Variants in MIPEP observed in about 807,000 individuals in gnomAD.
The protein encoded by MIPEP is mitochondrial intermediate peptidase.
A neutral mutation model predicts 90.3 loss-of-function variants in MIPEP; 79 were observed. The ratio of observed to expected loss-of-function variants is 0.87; its 90% CI spans 0.73 to 1.05. The LOEUF (loss-of-function observed/expected upper bound fraction) is 1.05, where lower values mean the gene tolerates loss of function less well. Ranked by LOEUF, MIPEP falls within the 50% of genes least tolerant of loss-of-function variation. The pLI, the probability that MIPEP is intolerant of heterozygous loss-of-function variation, is 0.00. For missense variants in MIPEP, 940 were observed against 905.6 expected (o/e 1.04, Z -0.49); for synonymous variants, 334 against 315.8 (o/e 1.06, Z -0.61).
intron 18 of MIPEP, among the ~76,000 whole-genome samples, chr13:23,753,008 A>G (rs1436415700): frequency 6.6e-6 from 1 of 152,110 alleles, no homozygotes; most frequent in Non-Finnish European, 1.5e-5. Context: ...AGGGTGGATC[A>G]CCTGAGGTCA....
At chr13:23,771,999 T>C (rs890169906) in intron 16 of MIPEP, among the ~76,000 whole-genome samples, 5 of 152,056 alleles carry the variant, frequency 3.3e-5, no homozygotes, top group Non-Finnish European at 7.4e-5. Flanking sequence ...TGAAACTAAA[T>C]TAATAAAGAC....
chr13:23,791,907 C>A (rs142820580), intron 16 of MIPEP, among the ~76,000 whole-genome samples: 1 of 152,198 alleles, frequency 6.6e-6, no homozygotes, highest in African/African-American at 2.4e-5. Context: ...AAGTCAATAA[C>A]GACCTTCACC....
intron 18 of MIPEP, among the ~76,000 whole-genome samples, chr13:23,749,014 C>A (rs1469471785): frequency 6.6e-6 from 1 of 152,190 alleles, no homozygotes; most frequent in Non-Finnish European, 1.5e-5. Context: ...CCAGCCTTGC[C>A]ACACAATGCC....
At chr13:23,766,337 T>C (rs746736609) in intron 16 of MIPEP, among the ~76,000 whole-genome samples, 1 of 152,218 alleles carries the variant, frequency 6.6e-6, no homozygotes, top group Admixed American at 6.5e-5. Context: ...CTAGTAATAC[T>C]GTATGAGCTC....
At chr13:23,856,402 G>A (rs953816460) in intron 10 of MIPEP, among the ~76,000 whole-genome samples, 2 of 152,194 alleles carry the variant, frequency 1.3e-5, no homozygotes, top group South Asian at 2.1e-4. Flanking sequence ...GTTTCTTTCT[G>A]TAAAACAAAA....
rs1351504427 is a variant in MIPEP, at chr13:23,841,502, G to C, written c.1107-14C>G. ...TCAATATTATACCTAAGAGAAGGAA[G>C]AGAGGTTCAACAGCATCTTTGTTTA... On this transcript the variant is annotated splice_polypyrimidine_tract_variant and intron_variant, in intron 10 of 18. Transcript: ENST00000382172. 4 of 1,587,798 alleles carry C rather than the reference G, an allele frequency of 2.5e-6. No homozygotes were observed. Among genetic ancestry groups the C allele is most frequent in the Non-Finnish European group, 2.6e-6 (3 of 1,171,430 alleles).
Position 23,889,333 on chromosome 13 carries a change from G to C in MIPEP, c.-13C>G. On this transcript the variant is annotated 5_prime_UTR_variant, in exon 1 of 19. Transcript: ENST00000382172. ...CGACGCACAGCATTCTAGCACCAGAGCAGTCCCTTCCTCCAACGCAGATCC... is the reference window on the plus strand; with the variant it reads ...CGACGCACAGCATTCTAGCACCAGACCAGTCCCTTCCTCCAACGCAGATCC... 1.5e-6 allele frequency: 2 copies of C among 1,319,136 alleles called. No homozygotes were observed. Among genetic ancestry groups the C allele is most frequent in the South Asian group, 2.1e-5 (1 of 48,388 alleles). The allele number at this position is 1,319,136 out of a possible 1,614,324, so 81.7% of individuals were successfully genotyped here.
intron 10 of MIPEP, among the ~76,000 whole-genome samples, chr13:23,853,608 T>G (rs1258624326): frequency 1.3e-5 from 2 of 151,920 alleles, no homozygotes; most frequent in East Asian, 3.9e-4. Context: ...TTGCCCAAAC[T>G]GGAGTGCAGT....
At chr13:23,814,220 A>G (rs988464190) in intron 14 of MIPEP, among the ~76,000 whole-genome samples, 1 of 152,142 alleles carries the variant, frequency 6.6e-6, no homozygotes, top group African/African-American at 2.4e-5. Flanking sequence ...TAATTTCTCA[A>G]TTCTTCTGAG....
intron 14 of MIPEP, among the ~76,000 whole-genome samples, chr13:23,819,809 G>A (rs962513238): frequency 1.3e-5 from 2 of 152,108 alleles, no homozygotes; most frequent in Non-Finnish European, 2.9e-5. Flanking sequence ...AGGAGTTCAA[G>A]ACCAGCCTGG....
chr13:23,858,826 C>T (rs1470892238), intron 10 of MIPEP, 34 bp downstream of exon 10: 6 of 1,597,046 alleles, frequency 3.8e-6, no homozygotes, highest in Non-Finnish European at 5.2e-6. Context: ...TTCCTTTTTC[C>T]TTTTCCTGTA....
Position 23,869,421 on chromosome 13 carries a change from GA to G in MIPEP, c.813del (p.Leu272PhefsTer8). 6.2e-7 allele frequency: 1 copy of G among 1,603,110 alleles called. No homozygotes were observed. The highest frequency in any genetic ancestry group is 8.5e-7 in the Non-Finnish European group (1 of 1,177,390). Reference protein sequence around the residue: ...DLVREAAYKIFLYPNAGQLKC... With the variant: ...DLVREAAYKIXLYPNAGQLKC... Reference sequence around the variant, plus strand: ...TTCAATTGACCAGCATTGGGATAAAGAAAAATTTTATAAGCAGCTTCTCGCA... The same window carrying G: ...TTCAATTGACCAGCATTGGGATAAAGAAAATTTTATAAGCAGCTTCTCGCA... On this transcript the variant is annotated frameshift_variant, in exon 7 of 19. Transcript: ENST00000382172. LOFTEE classifies it high-confidence loss of function.
At chr13:23,775,572 G>C (rs1333816090) in intron 16 of MIPEP, among the ~76,000 whole-genome samples, 1 of 152,118 alleles carries the variant, frequency 6.6e-6, no homozygotes, top group African/African-American at 2.4e-5. Context: ...AAACTGTAAG[G>C]CCTTTGGGGT....
chr13:23,871,742 GA>G (rs1271265019), intron 5 of MIPEP, among the ~76,000 whole-genome samples: 4 of 152,000 alleles, frequency 2.6e-5, no homozygotes, highest in Non-Finnish European at 5.9e-5. Flanking sequence ...AAATTTCATG[GA>G]AAAAAGTTTT....
chr13:23,843,360 A>G (rs920113005), intron 10 of MIPEP, among the ~76,000 whole-genome samples: 2 of 152,184 alleles, frequency 1.3e-5, no homozygotes, highest in Non-Finnish European at 2.9e-5. Context: ...TGGTCCACTA[A>G]GCTGAGGAAC....
At chr13:23,746,170 C>T (rs1213130227) in intron 18 of MIPEP, among the ~76,000 whole-genome samples, 1 of 151,130 alleles carries the variant, frequency 6.6e-6, no homozygotes, top group Non-Finnish European at 1.5e-5. Flanking sequence ...ACATGGACCA[C>T]AGCCAGCAAA....
intron 10 of MIPEP, among the ~76,000 whole-genome samples, chr13:23,855,064 G>A (rs796173013): frequency 3.9e-5 from 6 of 152,118 alleles, no homozygotes; most frequent in African/African-American, 1.4e-4. Flanking sequence ...TGACTTCTGG[G>A]GCAGAGGTAG....
intron 14 of MIPEP, among the ~76,000 whole-genome samples, chr13:23,825,202 T>C (rs1276616665): frequency 1.3e-5 from 2 of 152,218 alleles, no homozygotes; most frequent in African/African-American, 4.8e-5. Context: ...TACTTCCCTG[T>C]TCAATGCTTT....
chr13:23,854,112 TCAG>T (rs1420664293), intron 10 of MIPEP, among the ~76,000 whole-genome samples: 3 of 150,494 alleles, frequency 2.0e-5, no homozygotes, highest in Non-Finnish European at 3.0e-5. Context: ...GATCACAAGT[TCAG>T]CAGATCGAGA....
Sources: gnomAD v4.1 joint callset for allele counts (sites outside exome capture counted in the v4.1 genomes callset) on GRCh38, gnomAD v4.1.1 for gene constraint, MANE v1.5 for transcripts, NCBI Gene and HGNC (gene_info 2026-07-23, HGNC 2026-07-21) for gene names.